KAZN: variants seen among roughly 807,000 people sequenced by gnomAD.
KAZN encodes kazrin, periplakin interacting protein.
Under a neutral mutation model 87.4 loss-of-function variants are expected in KAZN, and 40 were observed. The ratio of observed to expected loss-of-function variants is 0.46; its 90% CI spans 0.36 to 0.60. KAZN has a LOEUF of 0.60. KAZN is among the 20% of genes least tolerant of loss of function. The probability of loss-of-function intolerance (pLI) is 0.00; values close to 1 mark genes in which losing one functional copy is unlikely to be tolerated. For synonymous variants in KAZN, 466 were observed against 458.3 expected, an observed-to-expected ratio of 1.02 and a Z score of -0.22; for missense variants, 898 against 1,073.9, an observed-to-expected ratio of 0.84 and a Z score of 2.29.
chr1:15,076,076 T>C (rs981592081), intron 8 of KAZN, among the ~76,000 whole-genome samples: 4 of 152,158 alleles, frequency 2.6e-5, no homozygotes, highest in African/African-American at 9.7e-5. Flanking sequence ...GTGGAGCCTG[T>C]GGCCAGGGCA....
intron 1 of KAZN, among the ~76,000 whole-genome samples, chr1:13,974,475 T>A (rs1165246319): frequency 6.6e-6 from 1 of 152,194 alleles, no homozygotes; most frequent in Non-Finnish European, 1.5e-5. Context: ...TTAAGGATCT[T>A]GGGATGAAGA....
chr1:14,405,494 A>C (rs965004340), intron 2 of KAZN, among the ~76,000 whole-genome samples: 1 of 151,892 alleles, frequency 6.6e-6, no homozygotes, highest in Non-Finnish European at 1.5e-5. Flanking sequence ...TGGGATAAAC[A>C]CTCTGGTTCT....
intron 1 of KAZN, among the ~76,000 whole-genome samples, chr1:14,848,236 T>C (rs182168220): frequency 4.6e-5 from 7 of 152,188 alleles, no homozygotes; most frequent in Admixed American, 4.6e-4. Flanking sequence ...TTCTCTGACC[T>C]TCTCCTTCTC....
intron 1 of KAZN, among the ~76,000 whole-genome samples, chr1:14,059,372 C>T (rs1642698843): frequency 6.6e-6 from 1 of 152,156 alleles, no homozygotes; most frequent in Non-Finnish European, 1.5e-5. Context: ...TCCCAGAGTC[C>T]AGAGGCCAAA....
At chr1:14,086,258 C>T (rs1262686855) in intron 1 of KAZN, among the ~76,000 whole-genome samples, 2 of 152,112 alleles carry the variant, frequency 1.3e-5, no homozygotes, top group African/African-American at 4.8e-5. Flanking sequence ...CATAGGTAAA[C>T]GTGTGCCATG....
intron 1 of KAZN, among the ~76,000 whole-genome samples, chr1:14,806,595 C>T (rs1646231736): frequency 6.6e-6 from 1 of 152,066 alleles, no homozygotes; most frequent in Non-Finnish European, 1.5e-5. Context: ...TGTTGTCTGC[C>T]CCCATTCAGA....
At chr1:14,367,772 A>T (rs1016464416) in intron 2 of KAZN, among the ~76,000 whole-genome samples, 1 of 152,176 alleles carries the variant, frequency 6.6e-6, no homozygotes, top group Non-Finnish European at 1.5e-5. Flanking sequence ...TGATGGCAGG[A>T]GGCAAGCAGG....
At chr1:14,981,131 G>A (rs1434059139) in intron 2 of KAZN, among the ~76,000 whole-genome samples, 1 of 152,178 alleles carries the variant, frequency 6.6e-6, no homozygotes, top group Non-Finnish European at 1.5e-5. Flanking sequence ...AAGAAGGGAG[G>A]GGAGAGTAGT....
intron 3 of KAZN, among the ~76,000 whole-genome samples, chr1:15,040,033 G>A (rs796730811): frequency 4.6e-5 from 7 of 152,298 alleles, no homozygotes; most frequent in African/African-American, 1.4e-4. Flanking sequence ...CTGTAGATCG[G>A]TGGAATAGCA....
chr1:14,988,476 C>T (rs1020919453), intron 2 of KAZN, among the ~76,000 whole-genome samples: 1 of 152,218 alleles, frequency 6.6e-6, no homozygotes, highest in African/African-American at 2.4e-5. Context: ...TGGAGGGAAT[C>T]GTGATGAAGA....
chr1:14,947,422 T>C (rs1429615047), intron 1 of KAZN, among the ~76,000 whole-genome samples: 2 of 152,060 alleles, frequency 1.3e-5, no homozygotes, highest in African/African-American at 2.4e-5. Flanking sequence ...GGGGAGGAGA[T>C]TGTTGCAAGA....
chr1:14,012,226 C>G (rs1640347565), intron 1 of KAZN, among the ~76,000 whole-genome samples: 1 of 152,116 alleles, frequency 6.6e-6, no homozygotes, highest in Non-Finnish European at 1.5e-5. Flanking sequence ...GGAGCTGTGC[C>G]CCATTTTGAA....
At chr1:14,051,357 C>T (rs1307093849) in intron 1 of KAZN, among the ~76,000 whole-genome samples, 1 of 151,966 alleles carries the variant, frequency 6.6e-6, no homozygotes, top group Admixed American at 6.5e-5. Context: ...GAAGAGTGCT[C>T]AGAGGAGCCT....
intron 2 of KAZN, among the ~76,000 whole-genome samples, chr1:14,318,555 G>A (rs1359578793): frequency 6.6e-6 from 1 of 151,944 alleles, no homozygotes; most frequent in Non-Finnish European, 1.5e-5. Flanking sequence ...TTTGCTGCTT[G>A]GGATTCCTTG....
intron 2 of KAZN, among the ~76,000 whole-genome samples, chr1:14,551,148 C>A (rs1673492424): frequency 6.6e-6 from 1 of 152,174 alleles, no homozygotes; most frequent in Non-Finnish European, 1.5e-5. Context: ...CCCCTCAGCC[C>A]TACTGGCCCT....
intron 1 of KAZN, among the ~76,000 whole-genome samples, chr1:14,050,824 C>T (rs544081324): frequency 6.6e-6 from 1 of 152,196 alleles, no homozygotes; most frequent in Non-Finnish European, 1.5e-5. Context: ...TCCCTCTAAC[C>T]TCATGAGCCA....
intron 1 of KAZN, among the ~76,000 whole-genome samples, chr1:14,791,138 T>C (rs1410330410): frequency 6.6e-6 from 1 of 152,224 alleles, no homozygotes; most frequent in African/African-American, 2.4e-5. Context: ...TTGAGATGCC[T>C]CTAAATCATC....
At chr1:14,654,397 A>C (rs1638656119) in intron 1 of KAZN, among the ~76,000 whole-genome samples, 1 of 152,028 alleles carries the variant, frequency 6.6e-6, no homozygotes. Flanking sequence ...GTTGGTGGAC[A>C]GTCAGCCGCA....
intron 1 of KAZN, among the ~76,000 whole-genome samples, chr1:14,156,507 T>A (rs1030739806): frequency 6.6e-6 from 1 of 152,214 alleles, no homozygotes; most frequent in African/African-American, 2.4e-5. Context: ...GCTTTATATA[T>A]CTGGGTCCTC....
Sources: allele counts gnomAD v4.1 joint callset (sites outside exome capture counted in the v4.1 genomes callset), GRCh38; gene constraint gnomAD v4.1.1; transcripts MANE v1.5; gene names NCBI Gene and HGNC (gene_info 2026-07-23, HGNC 2026-07-21).